The following KCNK2 variants were observed in gnomAD, a reference collection of about 807,000 sequenced individuals.
The protein encoded by KCNK2 is potassium channel subfamily K member 2.
A neutral mutation model predicts 40.5 loss-of-function variants in KCNK2; 21 were observed. The ratio of observed to expected loss-of-function variants is 0.52; its 90% CI spans 0.37 to 0.75. The LOEUF is 0.75. KCNK2 is among the 30% of genes least tolerant of loss of function. The pLI is 0.00. For synonymous variants in KCNK2, 191 were observed against 202.2 expected, an observed-to-expected ratio of 0.94 and a Z score of 0.47; for missense variants, 399 against 531.6, an observed-to-expected ratio of 0.75 and a Z score of 2.45.
intron 1 of KCNK2, among the ~76,000 whole-genome samples, chr1:215,025,146 A>C (rs926603321): frequency 6.6e-6 from 1 of 152,076 alleles, no homozygotes; most frequent in African/African-American, 2.4e-5. Context: ...GTAACTCTTC[A>C]TAAATTACTT....
At chr1:215,211,765 T>A (rs1024848492) in intron 6 of KCNK2, among the ~76,000 whole-genome samples, 2 of 152,170 alleles carry the variant, frequency 1.3e-5, no homozygotes, top group African/African-American at 4.8e-5. Flanking sequence ...GTAGAGATTT[T>A]GTTTTTCATG....
chr1:215,122,606 A>G (rs1377649801), intron 2 of KCNK2, among the ~76,000 whole-genome samples: 5 of 152,188 alleles, frequency 3.3e-5, no homozygotes, highest in Non-Finnish European at 7.4e-5. Context: ...TTATCACTTC[A>G]TTAAAGATAA....
intron 1 of KCNK2, among the ~76,000 whole-genome samples, chr1:215,060,930 A>T (rs1396299956): frequency 1.3e-5 from 2 of 152,162 alleles, no homozygotes; most frequent in African/African-American, 4.8e-5. Flanking sequence ...TTTCTAAGTA[A>T]GTTTTCTGAT....
rs1362600059 is a variant in KCNK2, at chr1:215,104,934, A to T, written c.357+18256A>T. On this transcript the variant is annotated intron_variant, in intron 2 of 6. Coordinates refer to ENST00000444842, the MANE Select transcript of KCNK2 (RefSeq NM_001017425.3). ...TCTCATTTTGTAATATATCATGAAC[A>T]TCTATCCATATCTCTAAAATATAGA... 3.3e-5 allele frequency among the ~76,000 whole-genome samples: 5 copies of T among 152,164 alleles called. No homozygotes were observed. In the East Asian group the frequency reaches 5.8e-4, roughly 18 times the overall value.
intron 3 of KCNK2, among the ~76,000 whole-genome samples, chr1:215,131,776 CAT>C (rs1200250882): frequency 1.3e-5 from 2 of 151,998 alleles, no homozygotes; most frequent in Non-Finnish European, 2.9e-5. Flanking sequence ...CAACATTTCT[CAT>C]ATTTTCAAAT....
chr1:215,141,841 C>T (rs1012877569), intron 3 of KCNK2, among the ~76,000 whole-genome samples: 7 of 151,950 alleles, frequency 4.6e-5, no homozygotes, highest in Non-Finnish European at 2.9e-5. Context: ...GCACTTATTC[C>T]AGTTAATTCG....
chr1:215,086,305 A>G (rs1659433551), intron 1 of KCNK2, 63 bp from the exon 2 acceptor site: 6 of 1,371,810 alleles, frequency 4.4e-6, no homozygotes, highest in South Asian at 1.3e-5. Flanking sequence ...CCCTTAAAGA[A>G]GAAGCCCGAC....
At position 215,235,263 on chromosome 1, in the gene KCNK2, A is replaced by C; in HGVS notation, c.*118A>C. 1.3e-6 allele frequency: 1 copy of C among 772,824 alleles called. No homozygotes were observed. The highest frequency in any genetic ancestry group is 2.1e-6 in the Non-Finnish European group (1 of 487,388). 47.9% of individuals were successfully genotyped at this position (772,824 alleles called of 1,614,324 possible). ...TGAGCTCAAAGGGGGAACAAAATAG[A>C]TACACCCATCATGGTCATCTATCAT... On this transcript the variant is annotated 3_prime_UTR_variant, in exon 7 of 7. Transcript: ENST00000444842.
chr1:215,232,256 G>A (rs1025199103), intron 6 of KCNK2, among the ~76,000 whole-genome samples: 1 of 152,112 alleles, frequency 6.6e-6, no homozygotes, highest in African/African-American at 2.4e-5. Context: ...AGTGCTAGGT[G>A]GCTGATATAA....
intron 2 of KCNK2, among the ~76,000 whole-genome samples, chr1:215,112,900 A>G (rs1571626666): frequency 6.6e-6 from 1 of 152,270 alleles, no homozygotes; most frequent in East Asian, 1.9e-4. Context: ...AAATTGCCTA[A>G]CCACACCTTT....
At chr1:215,170,928 A>G (rs896614348) in intron 4 of KCNK2, among the ~76,000 whole-genome samples, 5 of 152,134 alleles carry the variant, frequency 3.3e-5, no homozygotes, top group African/African-American at 7.2e-5. Flanking sequence ...TCCAGTAATC[A>G]TGGTTCAGTG....
At chr1:215,184,637 G>A (rs1664356123) in intron 5 of KCNK2, among the ~76,000 whole-genome samples, 1 of 152,100 alleles carries the variant, frequency 6.6e-6, no homozygotes, top group South Asian at 2.1e-4. Flanking sequence ...AGAAGAATGA[G>A]AACCTTATAA....
rs1666808032 is a variant in KCNK2, at chr1:215,234,726, C to A, written c.964-102C>A. 5 of 1,157,994 alleles carry A rather than the reference C, an allele frequency of 4.3e-6. No individual in the cohort carries two copies. The South Asian group carries it at 6.0e-5, about 14-fold the overall frequency. 71.7% of individuals were successfully genotyped at this position (1,157,994 alleles called of 1,614,324 possible). ...CAGTGCTGTAAAAGACTACTCCACT[C>A]TTCTTTTTAAAATCCCAAAATAAAA... On this transcript the variant is annotated intron_variant, in intron 6 of 6. Transcript: ENST00000444842.
intron 2 of KCNK2, among the ~76,000 whole-genome samples, chr1:215,100,329 G>T (rs1399567131): frequency 6.6e-6 from 1 of 151,920 alleles, no homozygotes; most frequent in Non-Finnish European, 1.5e-5. Flanking sequence ...ATTATTAGAT[G>T]AATTTAGAGT....
At chr1:215,016,447 A>G (rs1487270731) in intron 1 of KCNK2, among the ~76,000 whole-genome samples, 1 of 152,178 alleles carries the variant, frequency 6.6e-6, no homozygotes, top group Admixed American at 6.6e-5. Context: ...CTAGAAATAA[A>G]TCTACCAATT....
chr1:215,173,243 G>C (rs1663803542), intron 5 of KCNK2, among the ~76,000 whole-genome samples: 1 of 152,116 alleles, frequency 6.6e-6, no homozygotes, highest in South Asian at 2.1e-4. Flanking sequence ...CCTTGCGATA[G>C]TTTGCTGAGA....
chr1:215,182,982 AGG>A lies in KCNK2; in HGVS notation c.823+10801_823+10802del, dbSNP rs373257306. On this transcript the variant is annotated intron_variant, in intron 5 of 6. Coordinates refer to ENST00000444842, the MANE Select transcript of KCNK2 (RefSeq NM_001017425.3). The stretch of plus-strand genomic sequence containing the variant: ...GGCTATCTGCCTCTCTCATATCCTG[AGG>A]GTTCACTCACTTTTATCAGCCAGAT... Among the ~76,000 whole-genome samples the A allele has an allele frequency of 3.5e-4, 53 of 152,144 alleles. 2 individuals carry two copies. The highest frequency in any genetic ancestry group is 2.1e-3 in the Admixed American group (32 of 15,270).
chr1:215,205,394 C>T lies in KCNK2; in HGVS notation c.963+10302C>T, dbSNP rs189500424. ...CTGGGACTACAGGCACACACCACCA[C>T]GCCCGGCTAATTTTTGTGTATTTAG... On this transcript the variant is annotated intron_variant, in intron 6 of 6. Transcript: ENST00000444842. Among the ~76,000 whole-genome samples, 77 of 152,196 alleles carry T rather than the reference C, an allele frequency of 5.1e-4. 1 individual carries two copies. The highest frequency in any genetic ancestry group is 3.4e-3 in the Middle Eastern group (1 of 294).
At chr1:215,027,187 A>C (rs1032064459) in intron 1 of KCNK2, among the ~76,000 whole-genome samples, 1 of 152,134 alleles carries the variant, frequency 6.6e-6, no homozygotes, top group African/African-American at 2.4e-5. Context: ...TAATCGTATC[A>C]GCAAAATGGA....
Sources: gnomAD v4.1 joint callset for allele counts (sites outside exome capture counted in the v4.1 genomes callset) on GRCh38, gnomAD v4.1.1 for gene constraint, MANE v1.5 for transcripts, NCBI Gene and HGNC (gene_info 2026-07-23, HGNC 2026-07-21) for gene names.